The following RPS10 variants were observed in gnomAD, a reference collection of about 807,000 sequenced individuals.
The protein encoded by RPS10 is ribosomal protein S10, also known as small ribosomal subunit protein eS10.
A neutral mutation model predicts 22.6 loss-of-function variants in RPS10; 2 were observed. The observed-to-expected ratio is 0.09, with a 90% CI of 0.04 to 0.28. RPS10 has a LOEUF of 0.28. RPS10 is among the 10% of genes least tolerant of loss of function. The pLI is 1.00. For synonymous variants in RPS10, 70 were observed against 75.9 expected (o/e 0.92, Z 0.40); for missense variants, 137 against 222.2 (o/e 0.62, Z 2.44).
chr6:34,421,878 G>A, intron 3 of RPS10, 71 bp from the exon 4 acceptor site: 2 of 1,561,776 alleles, frequency 1.3e-6, no homozygotes, highest in Non-Finnish European at 8.8e-7. Context: ...CAAGAAAACT[G>A]GCATTGCTCT....
chr6:34,421,404 G>A (rs1811968), intron 4 of RPS10, among the ~76,000 whole-genome samples: 101,974 of 151,326 alleles, frequency 0.67, 35,961 homozygotes, highest in Non-Finnish European at 0.8. Context: ...GGCTGGTCTC[G>A]AACTCCTGAC....
chr6:34,419,144 G>A lies in RPS10; in HGVS notation c.401-720C>T, dbSNP rs182836731. ...AGCGATTCTCCTGCCTCAGCCTCCC[G>A]AGTAGCTGGGATTACAGGCATGCGC... is the stretch of plus-strand genomic sequence containing the variant. On this transcript the variant is annotated intron_variant, in intron 4 of 5. Coordinates refer to ENST00000648437, the MANE Select transcript of RPS10 (RefSeq NM_001014.5). Among the ~76,000 whole-genome samples the A allele has an allele frequency of 5.3e-4, 80 of 151,028 alleles. 1 individual carries two copies. The highest frequency in any genetic ancestry group is 1.6e-3 in the African/African-American group (67 of 40,936).
At position 34,423,165 on chromosome 6, in the gene RPS10, G is replaced by A. The variant is rs1319063893; in HGVS notation, c.323-1358C>T. ...CCCGGAGTCCATATGATTAGAATAT[G>A]AACTATGTCTCCTTTTTTTTTTTTT... On this transcript the variant is annotated intron_variant, in intron 3 of 5. Coordinates refer to ENST00000648437, the MANE Select transcript of RPS10 (RefSeq NM_001014.5). 3.3e-5 allele frequency among the ~76,000 whole-genome samples: 5 copies of A among 151,672 alleles called. No homozygotes were observed. In the East Asian group the frequency reaches 9.7e-4, roughly 29 times the overall value.
rs775998609 is a variant in RPS10, at chr6:34,424,679, A to T, written c.312T>A (p.Pro104=). The T allele has an allele frequency of 1.5e-5, 24 of 1,614,138 alleles. No homozygotes were observed. Among genetic ancestry groups the T allele is most frequent in the Non-Finnish European group, 2.0e-5 (24 of 1,179,994 alleles). The change falls in exon 3 of 6, where the codon CCT becomes CCA. Residue 104 remains proline (P), a synonymous_variant. Coordinates refer to ENST00000648437, the MANE Select transcript of RPS10 (RefSeq NM_001014.5). ...GTGTGGGAACCATACCTTTAGGCCG[A>T]GGCCTGCCAGTCTCTGGACGGCTAC... ...LRRSRPETGR[P]RPKGLEGERP...
intron 3 of RPS10, 69 bp from the exon 4 acceptor site, chr6:34,421,876 C>G (rs898604821): frequency 6.4e-7 from 1 of 1,565,410 alleles, no homozygotes; most frequent in Non-Finnish European, 8.8e-7. Context: ...GCCAAGAAAA[C>G]TGGCATTGCT....
At chr6:34,425,026 A>AT in intron 2 of RPS10, 46 bp downstream of exon 2, 1 of 1,611,168 alleles carries the variant, frequency 6.2e-7, no homozygotes. Flanking sequence ...CCGGGATGGG[A>AT]TCCCGGGGAG....
rs544956228 is a variant in RPS10, at chr6:34,424,262, G to A, written c.322+407C>T. 1.8e-4 allele frequency: 48 copies of A among 270,730 alleles called. 1 individual carries two copies. Among genetic ancestry groups the A allele is most frequent in the South Asian group, 1.4e-3 (33 of 24,208 alleles). The allele number at this position is 270,730 out of a possible 1,614,324, so 16.8% of individuals were successfully genotyped here. On this transcript the variant is annotated intron_variant, in intron 3 of 5. Transcript: ENST00000648437. ...TTTCACATCGTGGTATACACCATCC[G>A]TTCTCCACTCCAGTTTCTAATTTCT...
At chr6:34,418,553 C>G (rs1765653572) in intron 4 of RPS10, 129 bp from the exon 5 acceptor site, 1 of 1,416,772 alleles carries the variant, frequency 7.1e-7, no homozygotes, top group East Asian at 2.5e-5. Context: ...AAGCAAATTA[C>G]ACCAGTGGTG....
chr6:34,421,533 T>C (rs913975939), intron 4 of RPS10, among the ~76,000 whole-genome samples, 197 bp downstream of exon 4: 2 of 151,880 alleles, frequency 1.3e-5, no homozygotes, highest in Admixed American at 1.3e-4. Context: ...TCCTCCTAAT[T>C]CTCATCTATG....
Position 34,424,852 on chromosome 6 carries a change from A to C in RPS10, c.151-12T>G. On this transcript the variant is annotated splice_polypyrimidine_tract_variant and intron_variant, in intron 2 of 5. Transcript: ENST00000648437. ...CGGGACTTGAGAGACTGTAAGGCAG[A>C]AAACTACTGTTAAGGCGTTAAGTAG... 1.2e-6 allele frequency: 2 copies of C among 1,613,800 alleles called. No homozygotes were observed. The highest frequency in any genetic ancestry group is 1.7e-6 in the Non-Finnish European group (2 of 1,180,034).
intron 5 of RPS10, 166 bp from the exon 6 acceptor site, chr6:34,417,713 G>T: frequency 1.3e-6 from 1 of 741,628 alleles, no homozygotes; most frequent in South Asian, 1.5e-5. Context: ...CTTACTGGAT[G>T]TGGGGCCATA....
intron 5 of RPS10, 59 bp downstream of exon 5, chr6:34,418,310 A>C: frequency 6.2e-7 from 1 of 1,613,502 alleles, no homozygotes; most frequent in Non-Finnish European, 8.5e-7. Flanking sequence ...CTTGCAGAGC[A>C]ACCAGACTGA....
At chr6:34,423,517 A>G (rs953373602) in intron 3 of RPS10, among the ~76,000 whole-genome samples, 2 of 152,218 alleles carry the variant, frequency 1.3e-5, no homozygotes, top group East Asian at 1.9e-4. Context: ...ATCAGAATAT[A>G]TCAAGCACAG....
intron 2 of RPS10, 89 bp downstream of exon 2, chr6:34,424,983 G>A (rs913850188): frequency 9.9e-6 from 16 of 1,608,414 alleles, no homozygotes; most frequent in Admixed American, 6.7e-5. Context: ...TTGAACCTTA[G>A]GGGAAGATCC....
Position 34,423,068 on chromosome 6 carries a change from TAAAC to T in RPS10, c.323-1265_323-1262del, listed in dbSNP as rs200392463. On this transcript the variant is annotated intron_variant, in intron 3 of 5. Transcript: ENST00000648437. ...GCACTCCAGCCTAGGTGACAGAATA[TAAAC>T]AAACAAACAAACACAATCAGTAACA... Among the ~76,000 whole-genome samples the T allele has an allele frequency of 4.9e-3, 738 of 152,036 alleles. 4 individuals are homozygous for T. The highest frequency in any genetic ancestry group is 0.024 in the Middle Eastern group (7 of 294).
chr6:34,425,496 TG>T (rs898660998), intron 1 of RPS10: 15 of 415,654 alleles, frequency 3.6e-5, no homozygotes, highest in African/African-American at 2.0e-4. Flanking sequence ...CAAAGGTCAA[TG>T]GGGGGGAGAG....
At chr6:34,425,316 C>T in intron 1 of RPS10, 95 bp from the exon 2 acceptor site, 2 of 1,487,094 alleles carry the variant, frequency 1.3e-6, no homozygotes, top group East Asian at 2.5e-5. Context: ...CACACAAAAC[C>T]GTAGACAACA....
chr6:34,417,757 G>A, intron 5 of RPS10: 1 of 720,652 alleles, frequency 1.4e-6, no homozygotes, highest in Admixed American at 2.0e-5. Context: ...CATTGGTAAA[G>A]TGGGAGTATG....
chr6:34,423,299 G>A (rs1765830783), intron 3 of RPS10, among the ~76,000 whole-genome samples: 1 of 151,880 alleles, frequency 6.6e-6, no homozygotes, highest in South Asian at 2.1e-4. Flanking sequence ...ACCATGCCTG[G>A]CTAATTTATT....
Sources: gnomAD v4.1 joint callset for allele counts (sites outside exome capture counted in the v4.1 genomes callset) on GRCh38, gnomAD v4.1.1 for gene constraint, MANE v1.5 for transcripts, NCBI Gene and HGNC (gene_info 2026-07-23, HGNC 2026-07-21) for gene names.